MAPRE2: variants seen among roughly 807,000 people sequenced by gnomAD.
The protein encoded by MAPRE2 is microtubule associated protein RP/EB family member 2, also known as microtubule-associated protein RP/EB family member 2.
MAPRE2 carries 13 observed loss-of-function variants against 43.2 expected under a neutral mutation model. The observed-to-expected ratio is 0.30, with a 90% confidence interval of 0.20 to 0.48. The LOEUF (loss-of-function observed/expected upper bound fraction) is 0.48, where lower values mean the gene tolerates loss of function less well. Ranked by LOEUF, MAPRE2 falls within the 20% of genes least tolerant of loss-of-function variation. The pLI, the probability that MAPRE2 is intolerant of heterozygous loss-of-function variation, is 0.99. For missense variants in MAPRE2, 161 were observed against 400.2 expected (o/e 0.40, Z 5.10); for synonymous variants, 135 against 148.8 (o/e 0.91, Z 0.68).
At position 35,127,102 on chromosome 18, in the gene MAPRE2, CT is replaced by C. The variant is rs776089883; in HGVS notation, c.750+16del. The C allele has an allele frequency of 6.2e-7, 1 of 1,613,992 alleles. No homozygotes were observed. ...TTAATGAACAGGTAATGCATCAGCT[CT>C]GGCCACGCCTCTAGGAGCAGTGACG... On this transcript the variant is annotated intron_variant, in intron 5 of 6. Coordinates refer to ENST00000300249, the MANE Select transcript of MAPRE2 (RefSeq NM_014268.4).
At chr18:35,055,927 C>T (rs1383050870) in intron 1 of MAPRE2, among the ~76,000 whole-genome samples, 1 of 150,486 alleles carries the variant, frequency 6.6e-6, no homozygotes, top group Non-Finnish European at 1.5e-5. Context: ...TGCACTGCAG[C>T]CTGGGTGACA....
intron 4 of MAPRE2, among the ~76,000 whole-genome samples, chr18:35,111,139 T>C (rs1909156884): frequency 6.6e-6 from 1 of 152,184 alleles, no homozygotes; most frequent in Non-Finnish European, 1.5e-5. Context: ...TCCCAGTACT[T>C]ATTTTCTCTC....
At chr18:35,054,141 T>C (rs1318845404) in intron 1 of MAPRE2, among the ~76,000 whole-genome samples, 3 of 152,138 alleles carry the variant, frequency 2.0e-5, no homozygotes, top group Non-Finnish European at 2.9e-5. Flanking sequence ...GTTGTTTTGC[T>C]CCTGACTTCT....
intron 1 of MAPRE2, among the ~76,000 whole-genome samples, chr18:35,004,918 CAA>C (rs576525353): frequency 2.5e-4 from 22 of 86,686 alleles, no homozygotes; most frequent in Non-Finnish European, 3.6e-4. Flanking sequence ...ACTCCATCTC[CAA>C]AAAAAAAAAA....
intron 2 of MAPRE2, among the ~76,000 whole-genome samples, chr18:35,076,819 A>G (rs1377274347): frequency 6.6e-6 from 1 of 152,182 alleles, no homozygotes; most frequent in Non-Finnish European, 1.5e-5. Context: ...TTTGGGAGGA[A>G]TGCACCAGAT....
chr18:35,119,786 G>T (rs8091840), intron 4 of MAPRE2, among the ~76,000 whole-genome samples: 6,413 of 152,116 alleles, frequency 0.042, 337 homozygotes, highest in East Asian at 0.22. Flanking sequence ...GTAAAAACTG[G>T]GTTAATCAAT....
At chr18:35,113,442 G>A (rs1909270567) in intron 4 of MAPRE2, among the ~76,000 whole-genome samples, 1 of 151,964 alleles carries the variant, frequency 6.6e-6, no homozygotes, top group African/African-American at 2.4e-5. Flanking sequence ...TTGGCTTTCT[G>A]GGTCAAAGTA....
intron 2 of MAPRE2, among the ~76,000 whole-genome samples, chr18:35,019,345 A>G (rs954387190): frequency 2.0e-5 from 3 of 151,844 alleles, no homozygotes; most frequent in Non-Finnish European, 4.4e-5. Context: ...ATTAGGTCCA[A>G]TTGTTGAATT....
At chr18:35,035,328 A>C (rs191321899) in intron 2 of MAPRE2, among the ~76,000 whole-genome samples, 3 of 150,434 alleles carry the variant, frequency 2.0e-5, no homozygotes, top group African/African-American at 4.9e-5. Context: ...CACATGGACA[A>C]AGGAGGGGGA....
intron 2 of MAPRE2, among the ~76,000 whole-genome samples, chr18:35,084,393 A>G (rs1907776604): frequency 6.6e-6 from 1 of 152,236 alleles, no homozygotes; most frequent in Non-Finnish European, 1.5e-5. Context: ...GCAGGCCTAT[A>G]AGATTCTTAA....
chr18:35,067,984 T>A (rs505363), intron 1 of MAPRE2, among the ~76,000 whole-genome samples: 51,859 of 152,066 alleles, frequency 0.34, 12,356 homozygotes, highest in African/African-American at 0.66. Flanking sequence ...CTGAGATTCC[T>A]ATGCTGTGAG....
intron 2 of MAPRE2, among the ~76,000 whole-genome samples, chr18:35,012,994 A>G (rs1281065358): frequency 6.6e-6 from 1 of 152,208 alleles, no homozygotes; most frequent in Non-Finnish European, 1.5e-5. Context: ...CTATCATGGA[A>G]GCCAAGGGAA....
intron 1 of MAPRE2, among the ~76,000 whole-genome samples, chr18:34,980,038 T>C (rs75816070): frequency 3.9e-3 from 135 of 34,900 alleles, no homozygotes; most frequent in Middle Eastern, 0.013. Flanking sequence ...TTTCTTTTTT[T>C]TTTTTTTTTT....
Position 35,052,943 on chromosome 18 carries a change from A to T in MAPRE2, c.122+11282A>T, listed in dbSNP as rs529203954. Among the ~76,000 whole-genome samples, 3 of 152,246 alleles carry T rather than the reference A, an allele frequency of 2.0e-5. No homozygotes were observed. In the South Asian group the frequency reaches 6.2e-4, roughly 32 times the overall value. On this transcript the variant is annotated intron_variant, in intron 1 of 6. Coordinates refer to ENST00000300249, the MANE Select transcript of MAPRE2 (RefSeq NM_014268.4). Reference sequence around the variant, plus strand: ...ATACACATATGTTTTGCATAATAATATAGTCTTGAATTGTATTTTAATATG... The same window carrying T: ...ATACACATATGTTTTGCATAATAATTTAGTCTTGAATTGTATTTTAATATG...
intron 1 of MAPRE2, among the ~76,000 whole-genome samples, chr18:34,997,604 TAA>T (rs975027584): frequency 5.3e-5 from 8 of 151,990 alleles, no homozygotes; most frequent in African/African-American, 1.9e-4. Flanking sequence ...TCCCCTGAGG[TAA>T]AGAGTTCGAG....
intron 2 of MAPRE2, among the ~76,000 whole-genome samples, chr18:35,087,016 A>G (rs576701594): frequency 2.6e-4 from 40 of 152,046 alleles, no homozygotes; most frequent in Non-Finnish European, 4.0e-4. Context: ...AAATCCTGGG[A>G]TCTGGTGAAA....
intron 2 of MAPRE2, among the ~76,000 whole-genome samples, chr18:35,077,468 C>G (rs1372644137): frequency 6.6e-6 from 1 of 152,124 alleles, no homozygotes; most frequent in African/African-American, 2.4e-5. Context: ...TTTACCTGCC[C>G]CCAAGCCATG....
At chr18:35,064,855 C>G (rs1386803873) in intron 1 of MAPRE2, among the ~76,000 whole-genome samples, 1 of 152,224 alleles carries the variant, frequency 6.6e-6, no homozygotes, top group Non-Finnish European at 1.5e-5. Context: ...CACATTGGCC[C>G]TCAGCTGGAG....
intron 2 of MAPRE2, among the ~76,000 whole-genome samples, chr18:35,076,570 T>C (rs1326853105): frequency 1.6e-4 from 24 of 152,038 alleles, no homozygotes; most frequent in Admixed American, 1.6e-3. Flanking sequence ...CCTGACAGAC[T>C]CCCCAGGCTA....
Sources: gnomAD v4.1 joint callset for allele counts (sites outside exome capture counted in the v4.1 genomes callset) on GRCh38, gnomAD v4.1.1 for gene constraint, MANE v1.5 for transcripts, NCBI Gene and HGNC (gene_info 2026-07-23, HGNC 2026-07-21) for gene names.